PIP4K2A: variants seen among roughly 807,000 people sequenced by gnomAD.
PIP4K2A encodes the protein phosphatidylinositol-5-phosphate 4-kinase type 2 alpha.
Under a neutral mutation model 42.9 loss-of-function variants are expected in PIP4K2A, and 14 were observed. That is an observed-to-expected ratio of 0.33 (90% CI 0.22 to 0.51). The LOEUF (loss-of-function observed/expected upper bound fraction) is 0.51. PIP4K2A is among the 20% of genes least tolerant of loss of function. The pLI, the probability that PIP4K2A is intolerant of heterozygous loss-of-function variation, is 0.97. For missense variants in PIP4K2A, 434 were observed against 519.8 expected, an observed-to-expected ratio of 0.83 and a Z score of 1.61; for synonymous variants, 192 against 192.2, an observed-to-expected ratio of 1.00 and a Z score of 0.01.
chr10:22,673,045 G>C (rs556113851), intron 1 of PIP4K2A, among the ~76,000 whole-genome samples: 129 of 152,238 alleles, frequency 8.5e-4, no homozygotes, highest in African/African-American at 2.6e-3. Flanking sequence ...TCCTGGACAG[G>C]TGAGTGCTCT....
chr10:22,639,915 T>C (rs1205050727), intron 1 of PIP4K2A, among the ~76,000 whole-genome samples: 1 of 151,518 alleles, frequency 6.6e-6, no homozygotes, highest in Admixed American at 6.6e-5. Context: ...CTGAATTTCA[T>C]CCAATTTCCA....
rs1839293546 is a variant in PIP4K2A, at chr10:22,664,170, T to TATATATATATACATATATATAC, written c.144+49991_144+50012dup. 1.6e-4 allele frequency among the ~76,000 whole-genome samples: 10 copies of TATATATATATACATATATATAC among 61,808 alleles called. 1 individual carries two copies. Among genetic ancestry groups the TATATATATATACATATATATAC allele is most frequent in the African/African-American group, 3.7e-4 (3 of 8,096 alleles). The allele number at this position is 61,808 out of a possible 152,430, so 40.5% of individuals were successfully genotyped here. ...ATATATACACATATATATATATACA[T>TATATATATATACATATATATAC]ATATATATATACATATATATACATA... On this transcript the variant is annotated intron_variant, in intron 1 of 9. Coordinates refer to ENST00000376573, the MANE Select transcript of PIP4K2A (RefSeq NM_005028.5).
intron 1 of PIP4K2A, among the ~76,000 whole-genome samples, chr10:22,650,380 G>A (rs561245197): frequency 5.9e-5 from 9 of 152,182 alleles, no homozygotes; most frequent in Non-Finnish European, 8.8e-5. Context: ...CTCAGCCTCC[G>A]GAGTAGCTGG....
At chr10:22,594,418 CA>C (rs765020556) in intron 3 of PIP4K2A, among the ~76,000 whole-genome samples, 12 of 152,184 alleles carry the variant, frequency 7.9e-5, no homozygotes, top group Non-Finnish European at 1.6e-4. Context: ...TTTTTTGAGA[CA>C]GGTTCTCACT....
intron 7 of PIP4K2A, among the ~76,000 whole-genome samples, chr10:22,548,742 T>C (rs1166113343): frequency 1.3e-5 from 2 of 152,176 alleles, no homozygotes; most frequent in African/African-American, 4.8e-5. Context: ...ATCGTTTTGT[T>C]TGTTTGAAGT....
chr10:22,601,679 A>G (rs1837782685), intron 3 of PIP4K2A, among the ~76,000 whole-genome samples: 1 of 152,218 alleles, frequency 6.6e-6, no homozygotes, highest in Non-Finnish European at 1.5e-5. Context: ...GGAGTCCCAC[A>G]AGCACGACTG....
intron 4 of PIP4K2A, among the ~76,000 whole-genome samples, chr10:22,584,461 G>A (rs1837346915): frequency 6.6e-6 from 1 of 152,198 alleles, no homozygotes; most frequent in South Asian, 2.1e-4. Context: ...GCCAGGATGA[G>A]CACGTTAAAG....
At chr10:22,650,254 C>G (rs957137577) in intron 1 of PIP4K2A, among the ~76,000 whole-genome samples, 5 of 152,212 alleles carry the variant, frequency 3.3e-5, no homozygotes, top group African/African-American at 1.2e-4. Flanking sequence ...GTTTTTTAGC[C>G]TCAGTTTTCT....
intron 1 of PIP4K2A, among the ~76,000 whole-genome samples, chr10:22,664,162 T>TATAC (rs1554807287): frequency 1.4e-4 from 10 of 73,202 alleles, no homozygotes; most frequent in Admixed American, 1.0e-3. Context: ...CACATATATA[T>TATAC]ATATACATAT....
intron 1 of PIP4K2A, among the ~76,000 whole-genome samples, chr10:22,682,413 C>G (rs189056360): frequency 5.3e-5 from 8 of 152,270 alleles, no homozygotes; most frequent in Admixed American, 3.9e-4. Flanking sequence ...GGCCAGCAAT[C>G]TAAAAATTAG....
chr10:22,573,365 A>G lies in PIP4K2A; in HGVS notation c.585T>C (p.Val195=). The change falls in exon 5 of 10, where the codon GTT becomes GTC. Residue 195 remains valine, a synonymous_variant. Transcript: ENST00000376573. ...AACGGTGGCTGAATACATTTCTTGT[A>G]ACTATCACATATATTTCAACTCCAT... ...NVDGVEIYVI[V]TRNVFSHRLS... is the part of the protein sequence containing the mutation. 6.2e-7 allele frequency: 1 copy of G among 1,613,558 alleles called. No homozygotes were observed. Among genetic ancestry groups the G allele is most frequent in the Non-Finnish European group, 8.5e-7 (1 of 1,179,438 alleles).
At chr10:22,641,117 T>A (rs1838775686) in intron 1 of PIP4K2A, among the ~76,000 whole-genome samples, 1 of 152,218 alleles carries the variant, frequency 6.6e-6, no homozygotes, top group Non-Finnish European at 1.5e-5. Flanking sequence ...GTCTATTATA[T>A]CCTATGACAT....
At chr10:22,542,515 G>A (rs986100454) in intron 7 of PIP4K2A, among the ~76,000 whole-genome samples, 1 of 152,200 alleles carries the variant, frequency 6.6e-6, no homozygotes, top group Non-Finnish European at 1.5e-5. Context: ...CGATTGTTAC[G>A]CTGTTGTAAA....
intron 4 of PIP4K2A, among the ~76,000 whole-genome samples, chr10:22,586,125 T>A (rs1370634139): frequency 7.9e-5 from 12 of 152,194 alleles, no homozygotes; most frequent in Non-Finnish European, 1.3e-4. Context: ...CTAACAGAAA[T>A]GTGAAAAGGA....
intron 1 of PIP4K2A, among the ~76,000 whole-genome samples, chr10:22,654,386 C>T (rs555497329): frequency 1.5e-4 from 23 of 151,974 alleles, no homozygotes; most frequent in African/African-American, 4.1e-4. Context: ...AAAAAAAAGA[C>T]GTGTAAAAAT....
At chr10:22,568,506 C>T (rs1053057781) in intron 5 of PIP4K2A, among the ~76,000 whole-genome samples, 1 of 152,206 alleles carries the variant, frequency 6.6e-6, no homozygotes, top group Non-Finnish European at 1.5e-5. Context: ...TTCAAAGACA[C>T]ACAGTTATTT....
intron 6 of PIP4K2A, among the ~76,000 whole-genome samples, chr10:22,562,576 T>C (rs1321737866): frequency 3.3e-5 from 5 of 152,172 alleles, no homozygotes; most frequent in African/African-American, 9.7e-5. Context: ...TTTGGCTCTA[T>C]TAATACATTT....
chr10:22,694,261 G>C (rs1839927243), intron 1 of PIP4K2A: 1 of 152,180 alleles, frequency 6.6e-6, no homozygotes, highest in African/African-American at 2.4e-5. Context: ...TACCTTAAAA[G>C]CTAAGAAATG....
rs1024629139 is a variant in PIP4K2A at position 22,591,576 on chromosome 10, C to T, written c.492+53G>A. 95 of 1,376,548 alleles carry T rather than the reference C, an allele frequency of 6.9e-5. No individual in the cohort carries two copies. In the African/African-American group the frequency reaches 1.1e-3, roughly 16 times the overall value. The allele number at this position is 1,376,548 out of a possible 1,614,324, so 85.3% of individuals were successfully genotyped here. On this transcript the variant is annotated intron_variant, in intron 4 of 9. Coordinates refer to ENST00000376573, the MANE Select transcript of PIP4K2A (RefSeq NM_005028.5). The stretch of plus-strand genomic sequence containing the variant: ...TAAATCTCTGGCCTTGGTGAGAAAT[C>T]GCTACGCATGTTAATCTTCTTGGAG...
Sources: allele counts gnomAD v4.1 joint callset (sites outside exome capture counted in the v4.1 genomes callset), GRCh38; gene constraint gnomAD v4.1.1; transcripts MANE v1.5; gene names NCBI Gene and HGNC (gene_info 2026-07-23, HGNC 2026-07-21).